The following KIAA1328 variants were observed in gnomAD, a reference collection of about 807,000 sequenced individuals.
KIAA1328 encodes protein hinderin.
KIAA1328 carries 52 observed loss-of-function variants against 68.1 expected under a neutral mutation model. The observed-to-expected ratio is 0.76, with a 90% CI of 0.61 to 0.96. The LOEUF (loss-of-function observed/expected upper bound fraction) is 0.96. KIAA1328 is among the 40% of genes least tolerant of loss of function. The probability of loss-of-function intolerance (pLI) is 0.00; values close to 1 mark genes in which losing one functional copy is unlikely to be tolerated. For synonymous variants in KIAA1328, 232 were observed against 239.4 expected (o/e 0.97, Z 0.28); for missense variants, 641 against 677.6 (o/e 0.95, Z 0.60).
At chr18:37,121,301 T>C (rs141024554) in intron 7 of KIAA1328, among the ~76,000 whole-genome samples, 46 of 152,256 alleles carry the variant, frequency 3.0e-4, no homozygotes, top group African/African-American at 1.0e-3. Context: ...GGAAATCTAT[T>C]GTCTTCTATA....
At chr18:37,062,685 G>A (rs1353968864) in intron 6 of KIAA1328, among the ~76,000 whole-genome samples, 1 of 152,082 alleles carries the variant, frequency 6.6e-6, no homozygotes, top group Non-Finnish European at 1.5e-5. Context: ...TCGTTCTCCT[G>A]ACCTCGTGAT....
intron 7 of KIAA1328, among the ~76,000 whole-genome samples, chr18:37,130,549 C>T (rs896427362): frequency 1.3e-5 from 2 of 151,816 alleles, no homozygotes; most frequent in African/African-American, 4.8e-5. Flanking sequence ...ACCCAGGAGG[C>T]GGAGGTTGCA....
intron 6 of KIAA1328, among the ~76,000 whole-genome samples, chr18:37,027,307 A>C (rs2054623852): frequency 6.6e-6 from 1 of 152,226 alleles, no homozygotes; most frequent in Non-Finnish European, 1.5e-5. Flanking sequence ...GGTAATTTAT[A>C]GATTCAATGC....
At chr18:36,948,069 G>A (rs547189690) in intron 5 of KIAA1328, among the ~76,000 whole-genome samples, 22 of 152,088 alleles carry the variant, frequency 1.4e-4, no homozygotes, top group African/African-American at 4.1e-4. Flanking sequence ...GAATGCCCTC[G>A]GCCAAGAGCG....
chr18:37,076,878 G>C (rs562667448), intron 7 of KIAA1328, among the ~76,000 whole-genome samples: 2 of 152,112 alleles, frequency 1.3e-5, no homozygotes, highest in Non-Finnish European at 2.9e-5. Context: ...GGACCAGACG[G>C]ATTCACAGCC....
At chr18:37,039,357 T>C (rs116798719) in intron 6 of KIAA1328, among the ~76,000 whole-genome samples, 2 of 152,142 alleles carry the variant, frequency 1.3e-5, no homozygotes, top group Non-Finnish European at 2.9e-5. Context: ...TGTGGAAATG[T>C]TTTTTTCAAT....
chr18:37,106,085 CTATT>C (rs1304482767), intron 7 of KIAA1328, among the ~76,000 whole-genome samples: 2 of 151,868 alleles, frequency 1.3e-5, no homozygotes, highest in Admixed American at 6.6e-5. Flanking sequence ...CATAGCAACA[CTATT>C]TATAATAGCT....
At chr18:37,116,068 G>A (rs1469580504) in intron 7 of KIAA1328, among the ~76,000 whole-genome samples, 1 of 152,158 alleles carries the variant, frequency 6.6e-6, no homozygotes, top group African/African-American at 2.4e-5. Context: ...TCAATATCAT[G>A]AAAATGGCCA....
chr18:36,882,519 T>C (rs1232945633), intron 4 of KIAA1328, among the ~76,000 whole-genome samples: 1 of 152,192 alleles, frequency 6.6e-6, no homozygotes, highest in African/African-American at 2.4e-5. Context: ...TGCATATCTT[T>C]AGATAGGCCT....
chr18:37,039,280 A>G (rs1186827317), intron 6 of KIAA1328, among the ~76,000 whole-genome samples: 5 of 152,090 alleles, frequency 3.3e-5, no homozygotes, highest in Admixed American at 2.6e-4. Flanking sequence ...AATGATTATT[A>G]TTGTTAATTC....
chr18:36,861,395 T>C (rs1484915827), intron 4 of KIAA1328, among the ~76,000 whole-genome samples: 1 of 152,170 alleles, frequency 6.6e-6, no homozygotes, highest in Non-Finnish European at 1.5e-5. Flanking sequence ...TTTCTCTGTG[T>C]AATTAATTAA....
chr18:36,941,792 G>A (rs889861478), intron 5 of KIAA1328, among the ~76,000 whole-genome samples: 2 of 151,984 alleles, frequency 1.3e-5, no homozygotes, highest in African/African-American at 4.8e-5. Flanking sequence ...GGTCAGTTCT[G>A]CTATAAGGAG....
intron 7 of KIAA1328, among the ~76,000 whole-genome samples, chr18:37,114,612 G>A (rs2058046347): frequency 6.6e-6 from 1 of 152,156 alleles, no homozygotes; most frequent in Non-Finnish European, 1.5e-5. Flanking sequence ...AGAGAAGCAA[G>A]AGCAAACACA....
intron 6 of KIAA1328, among the ~76,000 whole-genome samples, chr18:36,976,610 A>C (rs1366115415): frequency 2.6e-5 from 4 of 152,006 alleles, no homozygotes; most frequent in African/African-American, 9.7e-5. Flanking sequence ...ATGAGAAAAC[A>C]GTGTAATATT....
chr18:37,034,120 G>A (rs1293608576), intron 6 of KIAA1328, among the ~76,000 whole-genome samples: 2 of 152,106 alleles, frequency 1.3e-5, no homozygotes, highest in Non-Finnish European at 2.9e-5. Flanking sequence ...TACAAATTTA[G>A]TGTTAGTCTT....
chr18:37,209,183 G>T (rs2060269719), intron 9 of KIAA1328, among the ~76,000 whole-genome samples: 1 of 152,148 alleles, frequency 6.6e-6, no homozygotes, highest in Admixed American at 6.5e-5. Context: ...TGTAAAAGAA[G>T]AATTGATGGA....
chr18:36,873,055 A>G (rs1220026873), intron 4 of KIAA1328, among the ~76,000 whole-genome samples: 1 of 152,170 alleles, frequency 6.6e-6, no homozygotes, highest in African/African-American at 2.4e-5. Context: ...TTTTCCAGGT[A>G]TTCTTCCAGA....
Position 37,224,428 on chromosome 18 carries a change from A to C in KIAA1328, c.*2201A>C. On this transcript the variant is annotated 3_prime_UTR_variant, in exon 10 of 10. Coordinates refer to ENST00000280020, the MANE Select transcript of KIAA1328 (RefSeq NM_020776.3). ...GAGATGGGCTTTCAGCAGAATATCA[A>C]CCAATACATTTTTCACATGCAAAAC... 1 of 985,412 alleles carries C rather than the reference A, an allele frequency of 1.0e-6. No homozygotes were observed. Among genetic ancestry groups the C allele is most frequent in the Non-Finnish European group, 1.2e-6 (1 of 829,930 alleles). The allele number at this position is 985,412 out of a possible 1,614,324, so 61.0% of individuals were successfully genotyped here.
intron 9 of KIAA1328, among the ~76,000 whole-genome samples, chr18:37,184,935 G>C (rs1484753498): frequency 6.6e-6 from 1 of 151,964 alleles, no homozygotes; most frequent in Admixed American, 6.6e-5. Flanking sequence ...AGGCTGAGAC[G>C]GGCGGATCAC....
Sources: gnomAD v4.1 joint callset for allele counts (sites outside exome capture counted in the v4.1 genomes callset) on GRCh38, gnomAD v4.1.1 for gene constraint, MANE v1.5 for transcripts, NCBI Gene and HGNC (gene_info 2026-07-23, HGNC 2026-07-21) for gene names.